SPATS1: variants seen among roughly 807,000 people sequenced by gnomAD.
SPATS1 encodes spermatogenesis-associated serine-rich protein 1.
SPATS1 carries 23 observed loss-of-function variants against 33.6 expected under a neutral mutation model. The ratio of observed to expected loss-of-function variants is 0.68; its 90% CI spans 0.49 to 0.97. SPATS1 has a LOEUF of 0.97. SPATS1 is among the 50% of genes least tolerant of loss of function. The pLI is 0.00. For synonymous variants in SPATS1, 131 were observed against 125.6 expected (o/e 1.04, Z -0.29); for missense variants, 327 against 361.0 (o/e 0.91, Z 0.76).
chr6:44,372,075 G>A (rs1425976818), intron 7 of SPATS1, among the ~76,000 whole-genome samples: 2 of 151,550 alleles, frequency 1.3e-5, no homozygotes, highest in African/African-American at 4.9e-5. Context: ...CCAACATGGT[G>A]AGACCCTGTC....
chr6:44,368,601 A>T, intron 6 of SPATS1, 102 bp downstream of exon 6: 1 of 1,090,700 alleles, frequency 9.2e-7, no homozygotes, highest in South Asian at 2.3e-5. Flanking sequence ...TGTCAACAAG[A>T]TGTGATTGGA....
At chr6:44,360,991 C>A (rs75873177) in intron 4 of SPATS1, among the ~76,000 whole-genome samples, 11 of 152,086 alleles carry the variant, frequency 7.2e-5, no homozygotes, top group African/African-American at 2.4e-4. Flanking sequence ...AGATCATGGA[C>A]CTCTTTCTGT....
At chr6:44,361,482 C>T (rs922428134) in intron 4 of SPATS1, 19 of 985,262 alleles carry the variant, frequency 1.9e-5, no homozygotes, top group African/African-American at 1.2e-4. Flanking sequence ...TTTCCTACAC[C>T]GTTATCAGAG....
intron 2 of SPATS1, among the ~76,000 whole-genome samples, chr6:44,351,122 CA>C (rs34139961): frequency 0.067 from 5,088 of 75,614 alleles, 48 homozygotes; most frequent in Middle Eastern, 0.088. Flanking sequence ...GACTCTGTGT[CA>C]AAAAAAAAAA....
intron 2 of SPATS1, among the ~76,000 whole-genome samples, chr6:44,349,596 A>G (rs1393014839): frequency 6.6e-6 from 1 of 152,242 alleles, no homozygotes; most frequent in Non-Finnish European, 1.5e-5. Context: ...ATCATACTTT[A>G]ATTGGCAGCC....
intron 7 of SPATS1, among the ~76,000 whole-genome samples, chr6:44,373,537 C>T (rs1256740357): frequency 1.3e-5 from 2 of 152,130 alleles, no homozygotes; most frequent in Non-Finnish European, 2.9e-5. Context: ...TTTGATGAAT[C>T]AGTTTTGTAC....
intron 2 of SPATS1, among the ~76,000 whole-genome samples, chr6:44,349,826 G>C (rs1347370072): frequency 2.0e-5 from 3 of 152,188 alleles, no homozygotes; most frequent in African/African-American, 7.2e-5. Context: ...TAGAAGTGTG[G>C]TTTGAGTTTC....
intron 7 of SPATS1, among the ~76,000 whole-genome samples, chr6:44,370,940 C>T (rs1223161739): frequency 6.6e-6 from 1 of 151,724 alleles, no homozygotes; most frequent in Non-Finnish European, 1.5e-5. Context: ...ATGTATAAAC[C>T]CCAGAATACC....
chr6:44,352,684 T>C (rs780954053), intron 2 of SPATS1, 42 bp from the exon 3 acceptor site: 80 of 1,584,272 alleles, frequency 5.0e-5, no homozygotes, highest in Non-Finnish European at 6.7e-5. Flanking sequence ...GTGGAATGTA[T>C]TTTCAATAAT....
At chr6:44,350,874 A>G (rs1788189239) in intron 2 of SPATS1, among the ~76,000 whole-genome samples, 1 of 152,198 alleles carries the variant, frequency 6.6e-6, no homozygotes, top group African/African-American at 2.4e-5. Flanking sequence ...CTGTAATCCC[A>G]ACACTTTAGG....
chr6:44,357,412 C>T (rs867063), intron 3 of SPATS1, among the ~76,000 whole-genome samples: 10,869 of 152,116 alleles, frequency 0.071, 594 homozygotes, highest in Admixed American at 0.2. Flanking sequence ...GATAGAGTTT[C>T]GCTCCTGTTG....
At chr6:44,375,034 C>G (rs1789843022) in intron 7 of SPATS1, among the ~76,000 whole-genome samples, 1 of 152,200 alleles carries the variant, frequency 6.6e-6, no homozygotes, top group Admixed American at 6.5e-5. Flanking sequence ...TTGCATCTGC[C>G]TGCTCCAACT....
At chr6:44,360,908 G>A (rs558103004) in intron 4 of SPATS1, among the ~76,000 whole-genome samples, 19 of 152,164 alleles carry the variant, frequency 1.2e-4, no homozygotes, top group African/African-American at 4.1e-4. Context: ...TGAAATGTAT[G>A]TGTGTGTGTA....
Position 44,376,998 on chromosome 6 carries a change from T to C in SPATS1, c.875-37T>C, listed in dbSNP as rs749394089. ...TGATTGAGAATTGTTAGTTTTGTAA[T>C]GGAAGAAAACCTGTAACTCCATGCC... is the stretch of plus-strand genomic sequence containing the variant. On this transcript the variant is annotated intron_variant, in intron 8 of 8. Coordinates refer to ENST00000674044, the MANE Select transcript of SPATS1 (RefSeq NM_001372081.1). 3.1e-6 allele frequency: 5 copies of C among 1,613,838 alleles called. No homozygotes were observed. In the East Asian group the frequency reaches 8.9e-5, roughly 29 times the overall value.
In SPATS1 at chr6:44,379,225, G is replaced by A. The variant is rs1413077865; in HGVS notation, c.*2162G>A. Among the ~76,000 whole-genome samples, 1 of 152,082 alleles carries A rather than the reference G, an allele frequency of 6.6e-6. No homozygotes were observed. The highest frequency in any genetic ancestry group is 1.9e-4 in the East Asian group (1 of 5,182). The stretch of plus-strand genomic sequence containing the variant: ...GATTTCCTGGTGAGATTATCTAGGT[G>A]GCACAGGAAACTGCTCTCAGAAGGT... On this transcript the variant is annotated 3_prime_UTR_variant, in exon 9 of 9. Transcript: ENST00000674044.
chr6:44,343,063 T>A lies in SPATS1; in HGVS notation c.1-33T>A. The A allele has an allele frequency of 3.1e-6, 5 of 1,612,390 alleles. 1 individual carries two copies. The highest frequency in any genetic ancestry group is 2.2e-5 in the South Asian group (2 of 91,052). The stretch of plus-strand genomic sequence containing the variant: ...CGAGGGACTTTCTTTGTCTCTGGGT[T>A]GCTTCTAATATTTAAAATCATCATG... On this transcript the variant is annotated intron_variant, in intron 1 of 8. Coordinates refer to ENST00000674044, the MANE Select transcript of SPATS1 (RefSeq NM_001372081.1).
chr6:44,345,179 G>A (rs1358564227), intron 2 of SPATS1, among the ~76,000 whole-genome samples: 1 of 152,082 alleles, frequency 6.6e-6, no homozygotes. Context: ...GGGGAGGGGC[G>A]GGGAGGCATC....
rs546746044 is a variant in SPATS1 at position 44,343,144 on chromosome 6, C to T, written c.49C>T (p.Pro17Ser). The T allele has an allele frequency of 6.2e-7, 1 of 1,614,152 alleles. No individual in the cohort carries two copies. Among genetic ancestry groups the T allele is most frequent in the South Asian group, 1.1e-5 (1 of 91,084 alleles). The change falls in exon 2 of 9, where the codon CCC becomes TCC. Residue 17 changes from proline (P) to serine (S), a missense_variant. Coordinates refer to ENST00000674044, the MANE Select transcript of SPATS1 (RefSeq NM_001372081.1). ...TGNSPRGCRL[P>S]SISSTTCGRQ... is the part of the protein sequence containing the mutation. ...AAACAGTCCACGGGGCTGCCGTCTCCCCTCCATCTCAAGCACGACCTGCGG... is the reference window on the plus strand; with the variant it reads ...AAACAGTCCACGGGGCTGCCGTCTCTCCTCCATCTCAAGCACGACCTGCGG...
At chr6:44,349,042 A>G (rs1285943142) in intron 2 of SPATS1, among the ~76,000 whole-genome samples, 1 of 152,132 alleles carries the variant, frequency 6.6e-6, no homozygotes, top group East Asian at 1.9e-4. Context: ...GAGACAGGAG[A>G]ATCGCTTGAA....
Sources: allele counts gnomAD v4.1 joint callset (sites outside exome capture counted in the v4.1 genomes callset), GRCh38; gene constraint gnomAD v4.1.1; transcripts MANE v1.5; gene names NCBI Gene and HGNC (gene_info 2026-07-23, HGNC 2026-07-21).